Variants in DARS1 observed in about 807,000 individuals in gnomAD.
DARS1 encodes the protein aspartyl-tRNA synthetase 1.
DARS1 carries 51 observed loss-of-function variants against 68.8 expected under a neutral mutation model. The observed-to-expected ratio is 0.74, with a 90% CI of 0.59 to 0.94. DARS1 has a LOEUF of 0.94. DARS1 is among the 40% of genes least tolerant of loss of function. The probability of loss-of-function intolerance (pLI) is 0.00; values close to 1 mark genes in which losing one functional copy is unlikely to be tolerated. For synonymous variants in DARS1, 203 were observed against 190.4 expected, an observed-to-expected ratio of 1.07 and a Z score of -0.55; for missense variants, 607 against 597.3, an observed-to-expected ratio of 1.02 and a Z score of -0.17.
At chr2:135,984,359 T>C (rs1192597440) in intron 1 of DARS1, among the ~76,000 whole-genome samples, 1 of 152,248 alleles carries the variant, frequency 6.6e-6, no homozygotes, top group East Asian at 1.9e-4. Context: ...TTAAGATCTG[T>C]ATGAAACAAT....
Position 135,911,390 on chromosome 2 carries a change from T to A in DARS1, c.1334A>T (p.His445Leu). The A allele has an allele frequency of 1.1e-6, 1 of 940,496 alleles. No individual in the cohort carries two copies. Among genetic ancestry groups the A allele is most frequent in the Non-Finnish European group, 1.8e-6 (1 of 567,082 alleles). 58.3% of individuals were successfully genotyped at this position (940,496 alleles called of 1,614,324 possible). The change falls in exon 14 of 16, where the codon CAT becomes CTT. Residue 445 changes from histidine (H) to leucine (L), a missense_variant. By Grantham distance (99) the His-to-Leu change is moderately conservative (BLOSUM62 -3). Coordinates refer to ENST00000264161, the MANE Select transcript of DARS1 (RefSeq NM_001349.4). ...PQLLTERALH[H>L]GIDLEKIKAY... ...TATTTTAAGTTGTTTACCAATTCCA[T>A]GATGTAAAGCTCTCTCTGTTAGCAG...
At chr2:135,981,167 G>C (rs140998882) in intron 2 of DARS1, among the ~76,000 whole-genome samples, 1 of 152,174 alleles carries the variant, frequency 6.6e-6, no homozygotes, top group Admixed American at 6.5e-5. Flanking sequence ...GTGGAAGAAC[G>C]CAACTGTCTG....
At chr2:135,978,142 C>CAAAAAAAAAAA (rs59505882) in intron 3 of DARS1, among the ~76,000 whole-genome samples, 8 of 54,732 alleles carry the variant, frequency 1.5e-4, no homozygotes, top group Middle Eastern at 0.012. Context: ...GACTCTGTCT[C>CAAAAAAAAAAA]AAAAAAAAAA....
intron 7 of DARS1, among the ~76,000 whole-genome samples, chr2:135,928,563 GT>G (rs1176728483): frequency 6.6e-6 from 1 of 151,602 alleles, no homozygotes; most frequent in Non-Finnish European, 1.5e-5. Context: ...GGCCAGGCTG[GT>G]CTTGAACTCC....
chr2:135,930,522 A>C (rs1681319111), intron 7 of DARS1, among the ~76,000 whole-genome samples: 1 of 152,228 alleles, frequency 6.6e-6, no homozygotes, highest in Non-Finnish European at 1.5e-5. Flanking sequence ...AGGAGACCTC[A>C]CACTACTAGT....
At chr2:135,954,605 C>T (rs1192936370) in intron 4 of DARS1, among the ~76,000 whole-genome samples, 1 of 151,984 alleles carries the variant, frequency 6.6e-6, no homozygotes, top group Non-Finnish European at 1.5e-5. Context: ...AAGAGGCATC[C>T]AAATAAGCAT....
rs1392682702 is a variant in DARS1 at position 135,916,372 on chromosome 2, C to A, written c.960G>T (p.Arg320Ser). ...TCACTGTTTGAATTTCAGTCTGAAA[C>A]CTATTTGCAGAATGATTTAGTTAAT... ...MVQIFKGLQE[R>S]FQTEIQTVNK... is the part of the protein sequence containing the mutation. Residue 320 changes from arginine to serine, a missense_variant and splice_region_variant, in exon 11 of 16, where the codon AGG becomes AGT. Arg to Ser is a moderately radical substitution (Grantham distance 110, BLOSUM62 -1). Transcript: ENST00000264161. 4.6e-6 allele frequency: 7 copies of A among 1,514,358 alleles called. No homozygotes were observed. Among genetic ancestry groups the A allele is most frequent in the Non-Finnish European group, 6.4e-6 (7 of 1,090,622 alleles). 93.8% of individuals were successfully genotyped at this position (1,514,358 alleles called of 1,614,324 possible). A position where few individuals can be genotyped will look rare whatever the true frequency, so the allele number is the denominator to read the frequency against.
At chr2:135,918,447 C>T (rs1235924212) in intron 10 of DARS1, among the ~76,000 whole-genome samples, 6 of 151,956 alleles carry the variant, frequency 3.9e-5, no homozygotes, top group Non-Finnish European at 5.9e-5. Context: ...ATGATAAACA[C>T]GAGAGGAACA....
At chr2:135,951,284 C>T (rs1289048105) in intron 4 of DARS1, among the ~76,000 whole-genome samples, 1 of 152,178 alleles carries the variant, frequency 6.6e-6, no homozygotes, top group Non-Finnish European at 1.5e-5. Context: ...TGGCCAAGTG[C>T]CATATGGGAA....
At chr2:135,948,007 T>C (rs1681764894) in intron 4 of DARS1, among the ~76,000 whole-genome samples, 1 of 152,238 alleles carries the variant, frequency 6.6e-6, no homozygotes, top group Non-Finnish European at 1.5e-5. Context: ...CATATTGTTT[T>C]ATACAAAGTT....
At chr2:135,969,379 A>G (rs1002974995) in intron 3 of DARS1, among the ~76,000 whole-genome samples, 1 of 152,218 alleles carries the variant, frequency 6.6e-6, no homozygotes, top group African/African-American at 2.4e-5. Flanking sequence ...TTAAGAATGA[A>G]TAATAAAAAA....
upstream of DARS1, chr2:135,985,684 C>T (rs1682775114): frequency 8.2e-7 from 1 of 1,219,780 alleles, no homozygotes; most frequent in African/African-American, 1.5e-5. Flanking sequence ...CGCAGGGTCT[C>T]CTCCCACTCT....
intron 5 of DARS1, among the ~76,000 whole-genome samples, chr2:135,942,764 G>A (rs1180840588): frequency 6.6e-6 from 1 of 152,132 alleles, no homozygotes; most frequent in African/African-American, 2.4e-5. Context: ...TTGGTGAGTA[G>A]TTTTTCAGAT....
At chr2:135,927,752 C>T (rs1026306073) in intron 7 of DARS1, among the ~76,000 whole-genome samples, 2 of 151,988 alleles carry the variant, frequency 1.3e-5, no homozygotes, top group East Asian at 1.9e-4. Flanking sequence ...AAAAGCAAAA[C>T]GAAAAACCCA....
chr2:135,911,336 T>C lies in DARS1; in HGVS notation c.1342+46A>G, dbSNP rs1408170284. The C allele has an allele frequency of 8.1e-6, 7 of 859,650 alleles. No individual in the cohort carries two copies. In the South Asian group the frequency reaches 9.5e-5, roughly 12 times the overall value. 53.3% of individuals were successfully genotyped at this position (859,650 alleles called of 1,614,324 possible). A position where few individuals can be genotyped will look rare whatever the true frequency, so the allele number is the denominator to read the frequency against. ...AAGTCTTTTAAATGTTTACAATGTATTATTTTCAGAATATACACTCCCCTA... is the reference window on the plus strand; with the variant it reads ...AAGTCTTTTAAATGTTTACAATGTACTATTTTCAGAATATACACTCCCCTA... On this transcript the variant is annotated intron_variant, in intron 14 of 15. Transcript: ENST00000264161.
intron 3 of DARS1, among the ~76,000 whole-genome samples, chr2:135,971,112 T>TTA (rs1224029905): frequency 1.4e-4 from 21 of 152,164 alleles, no homozygotes; most frequent in African/African-American, 5.1e-4. Flanking sequence ...AGTATTACCC[T>TTA]GGCACCAAAA....
At chr2:135,923,034 G>C in intron 8 of DARS1, 116 bp from the exon 9 acceptor site, 1 of 1,190,514 alleles carries the variant, frequency 8.4e-7, no homozygotes, top group African/African-American at 1.6e-5. Context: ...ACTGGAAAAT[G>C]AAGAATTGTG....
chr2:135,977,738 C>A (rs1211477440), intron 3 of DARS1, among the ~76,000 whole-genome samples: 1 of 152,160 alleles, frequency 6.6e-6, no homozygotes, highest in Non-Finnish European at 1.5e-5. Context: ...AATAGACAAA[C>A]TCTTAACAAT....
chr2:135,917,114 T>C (rs1044412514), intron 10 of DARS1, among the ~76,000 whole-genome samples: 14 of 152,006 alleles, frequency 9.2e-5, no homozygotes, highest in Non-Finnish European at 1.5e-4. Flanking sequence ...CGAGCCAAGA[T>C]CGGCCATTGC....
Sources: gnomAD v4.1 joint callset for allele counts (sites outside exome capture counted in the v4.1 genomes callset) on GRCh38, gnomAD v4.1.1 for gene constraint, MANE v1.5 for transcripts, NCBI Gene and HGNC (gene_info 2026-07-23, HGNC 2026-07-21) for gene names.